ANGPT1: variants seen among roughly 807,000 people sequenced by gnomAD.
The protein encoded by ANGPT1 is angiopoietin 1, also known as angiopoietin-1.
Under a neutral mutation model 62.2 loss-of-function variants are expected in ANGPT1, and 17 were observed. The ratio of observed to expected loss-of-function variants is 0.27; its 90% confidence interval spans 0.19 to 0.41. The LOEUF (loss-of-function observed/expected upper bound fraction) is 0.41. Ranked by LOEUF, ANGPT1 falls within the 10% of genes least tolerant of loss-of-function variation. The probability of loss-of-function intolerance (pLI) is 1.00; values close to 1 mark genes in which losing one functional copy is unlikely to be tolerated. For missense variants in ANGPT1, 478 were observed against 594.9 expected, an observed-to-expected ratio of 0.80 and a Z score of 2.04; for synonymous variants, 199 against 198.9, an observed-to-expected ratio of 1.00 and a Z score of 0.00.
In ANGPT1 at chr8:107,432,478, C is replaced by T. The variant is rs766450306; in HGVS notation, c.297+64784G>A. On this transcript the variant is annotated intron_variant, in intron 1 of 8. Coordinates refer to ENST00000517746, the MANE Select transcript of ANGPT1 (RefSeq NM_001146.5). ...AGGAGATCGAGACCATCCTGGCTAA[C>T]GTAGTGAAACCCTGTCTCTGCTAAA... Among the ~76,000 whole-genome samples the T allele has an allele frequency of 1.2e-4, 19 of 152,224 alleles. No individual in the cohort carries two copies. The South Asian group carries it at 1.5e-3, about 12-fold the overall frequency.
In ANGPT1 at chr8:107,420,853, A is replaced by G. The variant is rs1218807462; in HGVS notation, c.298-73756T>C. ...AAAGTATGCCTGTCTATATAAAAAC[A>G]TATAGATATATATGAATTCCCTACC... is the stretch of plus-strand genomic sequence containing the variant. On this transcript the variant is annotated intron_variant, in intron 1 of 8. Coordinates refer to ENST00000517746, the MANE Select transcript of ANGPT1 (RefSeq NM_001146.5). 2.0e-5 allele frequency among the ~76,000 whole-genome samples: 3 copies of G among 152,272 alleles called. No individual in the cohort carries two copies. In the East Asian group the frequency reaches 5.8e-4, roughly 29 times the overall value.
chr8:107,493,769 C>G (rs1316103253), intron 1 of ANGPT1, among the ~76,000 whole-genome samples: 1 of 150,028 alleles, frequency 6.7e-6, no homozygotes, highest in African/African-American at 2.5e-5. Flanking sequence ...GGTCACTGGC[C>G]TCATGGAGGT....
chr8:107,379,446 G>A (rs571808542), intron 1 of ANGPT1, among the ~76,000 whole-genome samples: 4 of 152,216 alleles, frequency 2.6e-5, no homozygotes, highest in Non-Finnish European at 4.4e-5. Context: ...GATAGAGCAA[G>A]CATTACAGCA....
intron 1 of ANGPT1, among the ~76,000 whole-genome samples, chr8:107,380,087 T>C (rs1413858232): frequency 6.6e-6 from 1 of 151,912 alleles, no homozygotes; most frequent in Non-Finnish European, 1.5e-5. Flanking sequence ...AGCCCCGGGA[T>C]AGCCTGGTCT....
At chr8:107,446,089 T>C (rs575565569) in intron 1 of ANGPT1, among the ~76,000 whole-genome samples, 3 of 152,060 alleles carry the variant, frequency 2.0e-5, no homozygotes, top group Non-Finnish European at 4.4e-5. Flanking sequence ...AGTTAACTTT[T>C]CGTATTTTTA....
At chr8:107,355,938 A>G (rs990046444) in intron 1 of ANGPT1, among the ~76,000 whole-genome samples, 4 of 152,130 alleles carry the variant, frequency 2.6e-5, no homozygotes, top group Admixed American at 6.5e-5. Flanking sequence ...ACTTGGTACC[A>G]CTTCCTTTCA....
chr8:107,303,982 A>G (rs1357186539), intron 4 of ANGPT1, among the ~76,000 whole-genome samples: 1 of 151,926 alleles, frequency 6.6e-6, no homozygotes, highest in Non-Finnish European at 1.5e-5. Context: ...AAAAGAGTTT[A>G]TGACCCAACT....
intron 1 of ANGPT1, among the ~76,000 whole-genome samples, chr8:107,441,148 T>C (rs1471839273): frequency 6.6e-6 from 1 of 152,210 alleles, no homozygotes; most frequent in East Asian, 1.9e-4. Flanking sequence ...TTTCTGGTAA[T>C]AGTCTTTCAA....
At chr8:107,465,306 T>A (rs888126066) in intron 1 of ANGPT1, among the ~76,000 whole-genome samples, 1 of 152,146 alleles carries the variant, frequency 6.6e-6, no homozygotes, top group Non-Finnish European at 1.5e-5. Context: ...AACTGCTGCA[T>A]ATATTAGTAA....
At chr8:107,445,418 T>C (rs373456291) in intron 1 of ANGPT1, among the ~76,000 whole-genome samples, 22 of 152,314 alleles carry the variant, frequency 1.4e-4, no homozygotes, top group South Asian at 8.3e-4. Context: ...TAGAATTCCT[T>C]CAAGAGTTAT....
At chr8:107,491,627 G>A (rs187871565) in intron 1 of ANGPT1, among the ~76,000 whole-genome samples, 1 of 152,252 alleles carries the variant, frequency 6.6e-6, no homozygotes, top group African/African-American at 2.4e-5. Flanking sequence ...AGGCAGGAAT[G>A]AGCCTGTCTG....
At chr8:107,379,898 G>A (rs1816601469) in intron 1 of ANGPT1, among the ~76,000 whole-genome samples, 1 of 152,114 alleles carries the variant, frequency 6.6e-6, no homozygotes, top group Admixed American at 6.6e-5. Flanking sequence ...TATTGAAAAA[G>A]TATGCCTTTC....
intron 8 of ANGPT1, among the ~76,000 whole-genome samples, chr8:107,258,423 A>G (rs1813419396): frequency 6.6e-6 from 1 of 152,236 alleles, no homozygotes; most frequent in Non-Finnish European, 1.5e-5. Flanking sequence ...ATATAAACGT[A>G]TCCATTAGAA....
chr8:107,381,512 T>C (rs538881584), intron 1 of ANGPT1, among the ~76,000 whole-genome samples: 17 of 152,316 alleles, frequency 1.1e-4, no homozygotes, highest in African/African-American at 3.1e-4. Flanking sequence ...GGAGGCACCA[T>C]GCTGGGTCTT....
chr8:107,326,243 T>C (rs1214712559), intron 3 of ANGPT1, among the ~76,000 whole-genome samples: 3 of 152,234 alleles, frequency 2.0e-5, no homozygotes, highest in Non-Finnish European at 4.4e-5. Flanking sequence ...CCAAGTAATA[T>C]GCATAACAAC....
chr8:107,311,787 G>A (rs1379538545), intron 4 of ANGPT1, among the ~76,000 whole-genome samples: 1 of 151,922 alleles, frequency 6.6e-6, no homozygotes, highest in African/African-American at 2.4e-5. Context: ...GGAAAAAGCT[G>A]GGTGCGGTGG....
chr8:107,351,423 C>G (rs1815928483), intron 1 of ANGPT1, among the ~76,000 whole-genome samples: 1 of 152,006 alleles, frequency 6.6e-6, no homozygotes, highest in South Asian at 2.1e-4. Flanking sequence ...AAAGAAAAAT[C>G]TCAACTCTAT....
At chr8:107,417,217 T>C (rs1055311356) in intron 1 of ANGPT1, among the ~76,000 whole-genome samples, 1 of 152,156 alleles carries the variant, frequency 6.6e-6, no homozygotes, top group Non-Finnish European at 1.5e-5. Flanking sequence ...AACCTATATG[T>C]ATGTGACATA....
At chr8:107,456,242 C>A (rs1045827537) in intron 1 of ANGPT1, among the ~76,000 whole-genome samples, 1 of 152,136 alleles carries the variant, frequency 6.6e-6, no homozygotes, top group African/African-American at 2.4e-5. Flanking sequence ...TAGTTTTCTG[C>A]GAACTTGGAC....
Sources: allele counts gnomAD v4.1 joint callset (sites outside exome capture counted in the v4.1 genomes callset), GRCh38; gene constraint gnomAD v4.1.1; transcripts MANE v1.5; gene names NCBI Gene and HGNC (gene_info 2026-07-23, HGNC 2026-07-21).